The following DENND4B variants were observed in gnomAD, a reference collection of about 807,000 sequenced individuals.
The protein encoded by DENND4B is DENN domain containing 4B.
In DENND4B, 67 loss-of-function variants were observed where a neutral mutation model predicts 161.0. The observed-to-expected ratio is 0.42, with a 90% confidence interval of 0.34 to 0.51. The LOEUF is 0.51. Among genes scored for constraint, DENND4B ranks in the 20% least tolerant of loss-of-function variants. The probability of loss-of-function intolerance (pLI) is 0.08; values close to 1 mark genes in which losing one functional copy is unlikely to be tolerated. For missense variants in DENND4B, 1,481 were observed against 1,968.0 expected, an observed-to-expected ratio of 0.75 and a Z score of 4.68; for synonymous variants, 753 against 813.8, an observed-to-expected ratio of 0.93 and a Z score of 1.27.
rs1470022929 is a variant in DENND4B at position 153,946,569 on chromosome 1, G to C, written c.-292C>G. ...GCCGCGCTGCTCGCTCGGCCGGCTC[G>C]GTCCTCCCAGCTCCCGCGGCGCCGG... On this transcript the variant is annotated 5_prime_UTR_variant, in exon 1 of 28. Coordinates refer to ENST00000361217, the MANE Select transcript of DENND4B (RefSeq NM_014856.3). This position sits in a 1 kb window ranked among gnomAD's most constrained non-coding sequence, Gnocchi z 6.3. The C allele has an allele frequency of 7.7e-6, 3 of 388,762 alleles. No homozygotes were observed. The highest frequency in any genetic ancestry group is 1.3e-4 in the South Asian group (1 of 7,800). 24.1% of individuals were successfully genotyped at this position (388,762 alleles called of 1,614,324 possible).
At chr1:153,943,871 A>C (rs1679814283) in intron 2 of DENND4B, among the ~76,000 whole-genome samples, 187 bp downstream of exon 2, 2 of 152,150 alleles carry the variant, frequency 1.3e-5, no homozygotes, top group Admixed American at 1.3e-4. Flanking sequence ...AGCAAGGAGC[A>C]GCACTAGCAC....
chr1:153,939,859 A>C, intron 11 of DENND4B, 55 bp from the exon 12 acceptor site: 1 of 1,551,572 alleles, frequency 6.4e-7, no homozygotes, highest in Non-Finnish European at 8.8e-7. Context: ...GTTACCCTCA[A>C]CTCTGCTCTC....
In DENND4B at chr1:153,942,487, G is replaced by T. The variant is rs1679728223; in HGVS notation, c.640+69C>A. ...AGTAAACTCTGGGGACACTTAAGGT[G>T]CCTGCCAAGAGGCACCAGGGCAAAG... On this transcript the variant is annotated intron_variant, in intron 4 of 27. Transcript: ENST00000361217. The surrounding 1 kb of genome is among the most constrained non-coding windows in gnomAD (Gnocchi z 6.9). The T allele has an allele frequency of 6.4e-7, 1 of 1,563,878 alleles. No homozygotes were observed. The highest frequency in any genetic ancestry group is 2.4e-5 in the East Asian group (1 of 42,054).
Position 153,940,133 on chromosome 1 carries a change from C to T in DENND4B, c.1603+23G>A, listed in dbSNP as rs370916727. On this transcript the variant is annotated intron_variant, in intron 11 of 27. Coordinates refer to ENST00000361217, the MANE Select transcript of DENND4B (RefSeq NM_014856.3). The surrounding 1 kb of genome is among the most constrained non-coding windows in gnomAD (Gnocchi z 5.6). ...TGAGGGCAATGACAGTTCCCAGCCTCCCTCCCCACCCAGGCTTCTCACTCT... is the reference window on the plus strand; with the variant it reads ...TGAGGGCAATGACAGTTCCCAGCCTTCCTCCCCACCCAGGCTTCTCACTCT... 4 of 1,536,730 alleles carry T rather than the reference C, an allele frequency of 2.6e-6. No homozygotes were observed. Among genetic ancestry groups the T allele is most frequent in the South Asian group, 2.5e-5 (2 of 78,968 alleles).
rs1679428340 is a variant in DENND4B, at chr1:153,937,648, T to G, written c.2106-34A>C. 6.2e-7 allele frequency: 1 copy of G among 1,611,980 alleles called. No homozygotes were observed. The highest frequency in any genetic ancestry group is 8.5e-7 in the Non-Finnish European group (1 of 1,178,428). ...GCAGAGAGAAGCAACATCGGGGCAG[T>G]CAGCACAGGGCGAAGCGAGTTGGAC... On this transcript the variant is annotated intron_variant, in intron 14 of 27. Coordinates refer to ENST00000361217, the MANE Select transcript of DENND4B (RefSeq NM_014856.3). The surrounding 1 kb of genome is among the most constrained non-coding windows in gnomAD (Gnocchi z 4.7).
chr1:153,932,544 C>G lies in DENND4B; in HGVS notation c.3759+98G>C. On this transcript the variant is annotated intron_variant, in intron 23 of 27. Transcript: ENST00000361217. This position sits in a 1 kb window ranked among gnomAD's most constrained non-coding sequence, Gnocchi z 5.8. ...AACAGCTTTTGGGATGCCCCTTGCCCTCAAGGGCAAGAGATGTGCCCATCT... is the reference window on the plus strand; with the variant it reads ...AACAGCTTTTGGGATGCCCCTTGCCGTCAAGGGCAAGAGATGTGCCCATCT... 6.4e-7 allele frequency: 1 copy of G among 1,564,008 alleles called. No individual in the cohort carries two copies. Among genetic ancestry groups the G allele is most frequent in the Non-Finnish European group, 8.7e-7 (1 of 1,154,152 alleles).
rs1377478336 is a variant in DENND4B, at chr1:153,936,418, T to C, written c.2439+124A>G. On this transcript the variant is annotated intron_variant, in intron 16 of 27. Coordinates refer to ENST00000361217, the MANE Select transcript of DENND4B (RefSeq NM_014856.3). This position sits in a 1 kb window ranked among gnomAD's most constrained non-coding sequence, Gnocchi z 4.1. ...ACTCGACGAATGTTTATAGATAATC[T>C]GCCCAGCTCTGGGGCTCTGCAACTT... 8.3e-7 allele frequency: 1 copy of C among 1,199,452 alleles called. No homozygotes were observed. Among genetic ancestry groups the C allele is most frequent in the African/African-American group, 1.5e-5 (1 of 64,994 alleles). The allele number at this position is 1,199,452 out of a possible 1,614,324, so 74.3% of individuals were successfully genotyped here. A position where few individuals can be genotyped will look rare whatever the true frequency, so the allele number is the denominator to read the frequency against.
In DENND4B at chr1:153,940,559, CGGGCACAGAGGAATGTAG is replaced by C; in HGVS notation, c.1356_1373del (p.Tyr453_Pro458del). The C allele has an allele frequency of 6.2e-7, 1 of 1,613,488 alleles. No individual in the cohort carries two copies. On this transcript the variant is annotated inframe_deletion, in exon 10 of 28. Transcript: ENST00000361217. This position sits in a 1 kb window ranked among gnomAD's most constrained non-coding sequence, Gnocchi z 5.6. ...CACTCAGCACATCTGCCAGCACCAG[CGGGCACAGAGGAATGTAG>C]GGGCACTGCCAGTGCAGTGGGAAGA... is the stretch of plus-strand genomic sequence containing the variant.
At position 153,942,328 on chromosome 1, in the gene DENND4B, G is replaced by T; in HGVS notation, c.669C>A (p.Asp223Glu). 1 of 1,613,246 alleles carries T rather than the reference G, an allele frequency of 6.2e-7. No individual in the cohort carries two copies. Among genetic ancestry groups the T allele is most frequent in the South Asian group, 1.1e-5 (1 of 91,032 alleles). ...ACTCGGGCAGCGGGAACGCCTCATT[G>T]TCCTCCTCCGGGTAGCGGCCCAGCA... ...AELLGRYPEE[D>E]NEAFPLPESV... The change falls in exon 5 of 28, where the codon GAC becomes GAA. Residue 223 changes from aspartate (D) to glutamate (E), a missense_variant. Physicochemically the swap from Asp to Glu is conservative, Grantham distance 45. Transcript: ENST00000361217. This position sits in a 1 kb window ranked among gnomAD's most constrained non-coding sequence, Gnocchi z 6.9.
At position 153,934,255 on chromosome 1, in the gene DENND4B, T is replaced by C; in HGVS notation, c.2821A>G (p.Thr941Ala). The C allele has an allele frequency of 6.3e-7, 1 of 1,598,592 alleles. No individual in the cohort carries two copies. Among genetic ancestry groups the C allele is most frequent in the Non-Finnish European group, 8.5e-7 (1 of 1,173,624 alleles). The stretch of plus-strand genomic sequence containing the variant: ...CTCAGACTTCGCCCAGCCCAAGTAG[T>C]CTGGCGCTGAAGAGGGCGAGTAGGG... Reference protein sequence around the residue: ...PSPTRPLQRQTTWAGRSLRDP... With the variant: ...PSPTRPLQRQATWAGRSLRDP... The change falls in exon 19 of 28, where the codon ACT becomes GCT. Residue 941 changes from threonine to alanine, a missense_variant. Physicochemically the swap from Thr to Ala is moderately conservative, Grantham distance 58 (BLOSUM62 0). This residue lies in a region of DENND4B where 339 missense variants were observed against 330.3 expected (regional missense o/e 1.03). Coordinates refer to ENST00000361217, the MANE Select transcript of DENND4B (RefSeq NM_014856.3). This position sits in a 1 kb window ranked among gnomAD's most constrained non-coding sequence, Gnocchi z 5.3.
chr1:153,941,778 C>CGGG, intron 6 of DENND4B, 91 bp downstream of exon 6: 1 of 581,498 alleles, frequency 1.7e-6, no homozygotes, highest in Non-Finnish European at 3.1e-6. Context: ...GTGCCCAGCC[C>CGGG]TCCCCCCACC....
chr1:153,936,395 T>C lies in DENND4B; in HGVS notation c.2439+147A>G. ...CTAAACCCTGAACATGCTTATTCAC[T>C]CGACGAATGTTTATAGATAATCTGC... On this transcript the variant is annotated intron_variant, in intron 16 of 27. Transcript: ENST00000361217. This position sits in a 1 kb window ranked among gnomAD's most constrained non-coding sequence, Gnocchi z 4.1. 2 of 1,135,812 alleles carry C rather than the reference T, an allele frequency of 1.8e-6. No individual in the cohort carries two copies. The highest frequency in any genetic ancestry group is 2.5e-6 in the Non-Finnish European group (2 of 809,956). 70.4% of individuals were successfully genotyped at this position (1,135,812 alleles called of 1,614,324 possible). A position where few individuals can be genotyped will look rare whatever the true frequency, so the allele number is the denominator to read the frequency against.
chr1:153,934,830 TTGCTGCTGC>T lies in DENND4B; in HGVS notation c.2694_2702del (p.Gln908_Gln910del), dbSNP rs1553203539. 1 of 1,285,092 alleles carries T rather than the reference TTGCTGCTGC, an allele frequency of 7.8e-7. No homozygotes were observed. Among genetic ancestry groups the T allele is most frequent in the South Asian group, 1.3e-5 (1 of 76,120 alleles). 79.6% of individuals were successfully genotyped at this position (1,285,092 alleles called of 1,614,324 possible). On this transcript the variant is annotated inframe_deletion, in exon 18 of 28. Transcript: ENST00000361217. This position sits in a 1 kb window ranked among gnomAD's most constrained non-coding sequence, Gnocchi z 5.3. ...GCTGCTGCTGCTGCTGCTGCTGCTG[TTGCTGCTGC>T]TGCTGCTGTTGCCGTTCTCTCAAGG...
rs769364090 is a variant in DENND4B, at chr1:153,932,729, A to G, written c.3672T>C (p.Pro1224=). 3.7e-6 allele frequency: 6 copies of G among 1,614,072 alleles called. No individual in the cohort carries two copies. The highest frequency in any genetic ancestry group is 5.1e-6 in the Non-Finnish European group (6 of 1,179,898). The part of the protein sequence containing the change: ...SAGASGSKDA[P]VPGGPGPVLS... ...GCACAGGGCCAGGACCACCAGGGAC[A>G]GGAGCATCTTTGCTGCCACTGGCAC... Residue 1224 remains proline, a synonymous_variant, in exon 23 of 28, where the codon CCT becomes CCC. Transcript: ENST00000361217. The surrounding 1 kb of genome is among the most constrained non-coding windows in gnomAD (Gnocchi z 5.8).
At chr1:153,935,497 C>T (rs1328393020) in intron 17 of DENND4B, among the ~76,000 whole-genome samples, 1 of 152,222 alleles carries the variant, frequency 6.6e-6, no homozygotes, top group East Asian at 1.9e-4. Flanking sequence ...CAGGCACCCA[C>T]CACCACACCA....
chr1:153,939,311 C>G (rs1679535288), intron 12 of DENND4B, among the ~76,000 whole-genome samples: 1 of 152,036 alleles, frequency 6.6e-6, no homozygotes, highest in South Asian at 2.1e-4. Context: ...CTGCACAGAG[C>G]TTTGCCCGTG....
Position 153,939,777 on chromosome 1 carries a change from G to C in DENND4B, c.1631C>G (p.Ser544Cys), listed in dbSNP as rs761396107. The C allele has an allele frequency of 1.9e-5, 31 of 1,613,774 alleles. No individual in the cohort carries two copies. Among genetic ancestry groups the C allele is most frequent in the Non-Finnish European group, 2.1e-5 (25 of 1,179,882 alleles). The change falls in exon 12 of 28, where the codon TCC becomes TGC. Residue 544 changes from serine to cysteine, a missense_variant. Physicochemically the swap from Ser to Cys is moderately radical, Grantham distance 112. Transcript: ENST00000361217. ...GTAGTCTGTCAGTAGGAACTCCAGG[G>C]ATGCTTCCTCCTCAGGTCCAGTGTA... Reference protein sequence around the residue: ...QTYTGPEEEASLEFLLTDYEA... With the variant: ...QTYTGPEEEACLEFLLTDYEA...
Position 153,942,633 on chromosome 1 carries a change from AGAAAT to A in DENND4B, c.571-13_571-9del. The A allele has an allele frequency of 6.3e-7, 1 of 1,583,708 alleles. No homozygotes were observed. Among genetic ancestry groups the A allele is most frequent in the South Asian group, 1.2e-5 (1 of 86,394 alleles). ...GTACACTGCTGGGCCCCACTACCCC[AGAAAT>A]GGCAAGAGACAAGCAGATACATAGC... On this transcript the variant is annotated splice_polypyrimidine_tract_variant and intron_variant, in intron 3 of 27. Coordinates refer to ENST00000361217, the MANE Select transcript of DENND4B (RefSeq NM_014856.3). This position sits in a 1 kb window ranked among gnomAD's most constrained non-coding sequence, Gnocchi z 6.9.
intron 1 of DENND4B, among the ~76,000 whole-genome samples, chr1:153,945,575 C>T (rs541344128): frequency 1.0e-3 from 154 of 151,756 alleles, no homozygotes; most frequent in South Asian, 4.6e-3. Context: ...CACACACACA[C>T]GCACACACAC....
Sources: gnomAD v4.1 joint callset for allele counts (sites outside exome capture counted in the v4.1 genomes callset) on GRCh38, gnomAD v4.1.1 for gene constraint, gnomAD v4.1.1 regional missense constraint, Gnocchi (gnomAD v3.1) non-coding constraint, MANE v1.5 for transcripts, NCBI Gene and HGNC (gene_info 2026-07-23, HGNC 2026-07-21) for gene names.